Variants in PPP2R3A observed in about 807,000 individuals in gnomAD.
PPP2R3A encodes serine/threonine-protein phosphatase 2A regulatory subunit B'' subunit alpha.
In PPP2R3A, 80 loss-of-function variants were observed where a neutral mutation model predicts 106.9. That is an observed-to-expected ratio of 0.75 (90% CI 0.62 to 0.90). PPP2R3A has a LOEUF of 0.90. Ranked by LOEUF, PPP2R3A falls within the 40% of genes least tolerant of loss-of-function variation. The probability of loss-of-function intolerance (pLI) is 0.00; values close to 1 mark genes in which losing one functional copy is unlikely to be tolerated. For missense variants in PPP2R3A, 1,386 were observed against 1,350.4 expected (o/e 1.03, Z -0.41); for synonymous variants, 483 against 468.3 (o/e 1.03, Z -0.41).
intron 13 of PPP2R3A, among the ~76,000 whole-genome samples, chr3:136,120,719 T>TA (rs1270167956): frequency 1.3e-5 from 2 of 151,798 alleles, no homozygotes; most frequent in South Asian, 2.1e-4. Flanking sequence ...ATAAGGAACT[T>TA]AAAAAAATCA....
At chr3:135,972,258 A>T (rs1937270638) in intron 1 of PPP2R3A, among the ~76,000 whole-genome samples, 1 of 152,230 alleles carries the variant, frequency 6.6e-6, no homozygotes, top group Non-Finnish European at 1.5e-5. Flanking sequence ...TCTTTCATTC[A>T]GCACAATGTA....
intron 1 of PPP2R3A, among the ~76,000 whole-genome samples, chr3:136,000,221 TTA>T (rs1043037930): frequency 1.3e-5 from 2 of 152,152 alleles, no homozygotes; most frequent in Non-Finnish European, 2.9e-5. Flanking sequence ...TATGATAAGT[TTA>T]TATGTTTAAC....
intron 2 of PPP2R3A, among the ~76,000 whole-genome samples, chr3:136,012,927 G>T (rs1934132391): frequency 6.6e-6 from 1 of 152,108 alleles, no homozygotes; most frequent in Non-Finnish European, 1.5e-5. Context: ...CTAATGTATA[G>T]TCTTTTATCC....
intron 13 of PPP2R3A, among the ~76,000 whole-genome samples, chr3:136,125,963 A>G (rs987105586): frequency 1.3e-5 from 2 of 152,214 alleles, no homozygotes; most frequent in Non-Finnish European, 2.9e-5. Flanking sequence ...GCTAAGCCTG[A>G]TAAAGGACAT....
chr3:136,008,195 T>G (rs979612179), intron 2 of PPP2R3A, among the ~76,000 whole-genome samples: 1 of 152,242 alleles, frequency 6.6e-6, no homozygotes, highest in African/African-American at 2.4e-5. Context: ...CTCTTTACTT[T>G]CTAGGTTTAT....
chr3:136,003,543 T>A (rs768670667), intron 2 of PPP2R3A, 50 bp downstream of exon 2: 29 of 1,481,948 alleles, frequency 2.0e-5, no homozygotes, highest in Non-Finnish European at 2.5e-5. Context: ...AAATGTTTAG[T>A]GTTTGAAAAT....
chr3:136,101,870 C>T, intron 10 of PPP2R3A, 137 bp from the exon 11 acceptor site: 1 of 984,776 alleles, frequency 1.0e-6, no homozygotes, highest in Non-Finnish European at 1.4e-6. Context: ...GCCATTTTCT[C>T]TAACAAACTT....
At chr3:136,103,834 C>T (rs916998770) in intron 12 of PPP2R3A, among the ~76,000 whole-genome samples, 4 of 152,122 alleles carry the variant, frequency 2.6e-5, no homozygotes, top group African/African-American at 9.7e-5. Flanking sequence ...AATAATATAA[C>T]GCCTTTTCAC....
intron 1 of PPP2R3A, among the ~76,000 whole-genome samples, chr3:135,968,097 TTACTA>T (rs1456525808): frequency 6.6e-6 from 1 of 152,188 alleles, no homozygotes; most frequent in Non-Finnish European, 1.5e-5. Context: ...GCTTAGGTGT[TTACTA>T]TACTAAGCTT....
At chr3:136,086,841 G>A (rs2107938362) in intron 8 of PPP2R3A, among the ~76,000 whole-genome samples, 1 of 152,246 alleles carries the variant, frequency 6.6e-6, no homozygotes, top group African/African-American at 2.4e-5. Flanking sequence ...GCTGATAGCT[G>A]CTAAGTCCCT....
In PPP2R3A at chr3:136,035,878, G is replaced by A. The variant is rs563962677; in HGVS notation, c.2263-4981G>A. Among the ~76,000 whole-genome samples the A allele has an allele frequency of 6.9e-4, 104 of 151,790 alleles. No homozygotes were observed. The South Asian group carries it at 0.02, about 29-fold the overall frequency. ...ACACCAATCAATCTTAGGTTTGGTC[G>A]TTTAACATAATTCTTGACTCCTTAG... On this transcript the variant is annotated intron_variant, in intron 3 of 13. Transcript: ENST00000264977.
At chr3:136,104,586 G>A (rs183079834) in intron 12 of PPP2R3A, among the ~76,000 whole-genome samples, 2 of 152,266 alleles carry the variant, frequency 1.3e-5, no homozygotes, top group East Asian at 1.9e-4. Flanking sequence ...GATTACAGGC[G>A]TGAGCTGGCT....
At chr3:136,055,406 G>A in intron 5 of PPP2R3A, 1 of 999,482 alleles carries the variant, frequency 1.0e-6, no homozygotes, top group South Asian at 1.3e-5. Flanking sequence ...CTTATCCCCT[G>A]TTGCTCTCCG....
intron 10 of PPP2R3A, among the ~76,000 whole-genome samples, chr3:136,100,103 C>T (rs1048914853): frequency 2.6e-5 from 4 of 152,122 alleles, no homozygotes; most frequent in Middle Eastern, 3.4e-3. Flanking sequence ...GAAACCTCTG[C>T]GGGCTTCTAA....
At position 136,112,821 on chromosome 3, in the gene PPP2R3A, T is replaced by G. The variant is rs558290116; in HGVS notation, c.3329+6499T>G. 3.3e-5 allele frequency among the ~76,000 whole-genome samples: 5 copies of G among 152,218 alleles called. No homozygotes were observed. The South Asian group carries it at 1.0e-3, about 32-fold the overall frequency. ...CTACCAACATCATTTTTCAAAGAAT[T>G]TGAAAAAAACTATTACAAAATTCAT... On this transcript the variant is annotated intron_variant, in intron 13 of 13. Coordinates refer to ENST00000264977, the MANE Select transcript of PPP2R3A (RefSeq NM_002718.5).
At chr3:136,104,614 T>C (rs553734530) in intron 12 of PPP2R3A, among the ~76,000 whole-genome samples, 1 of 152,314 alleles carries the variant, frequency 6.6e-6, no homozygotes, top group East Asian at 1.9e-4. Flanking sequence ...GCCTGTTTTA[T>C]AGTTCTCTAA....
In PPP2R3A at chr3:136,008,586, T is replaced by G. The variant is rs183401296; in HGVS notation, c.1995+5093T>G. Among the ~76,000 whole-genome samples the G allele has an allele frequency of 2.0e-4, 31 of 152,344 alleles. No homozygotes were observed. In the East Asian group the frequency reaches 5.2e-3, roughly 26 times the overall value. ...CCTGGTAGATATATATGTACTGATG[T>G]AGAAGGGTCAAGATAAAGTTAAAAA... is the stretch of plus-strand genomic sequence containing the variant. On this transcript the variant is annotated intron_variant, in intron 2 of 13. Coordinates refer to ENST00000264977, the MANE Select transcript of PPP2R3A (RefSeq NM_002718.5).
chr3:136,075,305 T>G (rs907317195), intron 6 of PPP2R3A, among the ~76,000 whole-genome samples: 1 of 152,216 alleles, frequency 6.6e-6, no homozygotes, highest in Non-Finnish European at 1.5e-5. Context: ...TTGTAAAATT[T>G]TATTTGATAT....
At chr3:136,108,316 G>A (rs1937547818) in intron 13 of PPP2R3A, among the ~76,000 whole-genome samples, 1 of 152,126 alleles carries the variant, frequency 6.6e-6, no homozygotes, top group Non-Finnish European at 1.5e-5. Flanking sequence ...CATGTACCCA[G>A]TACAGTTCCA....
Sources: gnomAD v4.1 joint callset for allele counts (sites outside exome capture counted in the v4.1 genomes callset) on GRCh38, gnomAD v4.1.1 for gene constraint, MANE v1.5 for transcripts, NCBI Gene and HGNC (gene_info 2026-07-23, HGNC 2026-07-21) for gene names.